Variants in ATR observed in about 807,000 individuals in gnomAD.
ATR encodes ATR checkpoint kinase, also known as serine/threonine-protein kinase ATR.
Under a neutral mutation model 305.3 loss-of-function variants are expected in ATR, and 142 were observed. The ratio of observed to expected loss-of-function variants is 0.47; its 90% CI spans 0.41 to 0.53. The LOEUF (loss-of-function observed/expected upper bound fraction) is 0.53, where lower values mean the gene tolerates loss of function less well. ATR is among the 20% of genes least tolerant of loss of function. The pLI is 0.00. For synonymous variants in ATR, 1,050 were observed against 1,068.1 expected (o/e 0.98, Z 0.33); for missense variants, 2,135 against 3,133.1 (o/e 0.68, Z 7.60).
At chr3:142,535,052 C>T (rs751754881) in intron 21 of ATR, 28 bp downstream of exon 21, 9 of 1,587,928 alleles carry the variant, frequency 5.7e-6, no homozygotes, top group African/African-American at 1.3e-5. Context: ...CTTTGTTATA[C>T]ATTTTTAATT....
intron 23 of ATR, among the ~76,000 whole-genome samples, chr3:142,522,444 G>A (rs1333055321): frequency 6.6e-6 from 1 of 152,014 alleles, no homozygotes; most frequent in East Asian, 1.9e-4. Context: ...ACATCCTTAG[G>A]ACATTTATTT....
intron 46 of ATR, chr3:142,451,014 C>G (rs2070776695): frequency 8.0e-7 from 1 of 1,250,140 alleles, no homozygotes; most frequent in African/African-American, 1.6e-5. Context: ...ACCATCAATT[C>G]CGTCTTAAGA....
chr3:142,480,032 A>T (rs2030304134), intron 36 of ATR, among the ~76,000 whole-genome samples: 1 of 152,164 alleles, frequency 6.6e-6, no homozygotes, highest in Non-Finnish European at 1.5e-5. Context: ...ATGGGTTCCA[A>T]CTTCCTCCTT....
rs184685900 is a variant in ATR at position 142,531,114 on chromosome 3, G to A, written c.3945+3966C>T. Among the ~76,000 whole-genome samples the A allele has an allele frequency of 1.2e-3, 181 of 152,248 alleles. 1 individual carries two copies. Among genetic ancestry groups the A allele is most frequent in the African/African-American group, 4.3e-3 (177 of 41,556 alleles). On this transcript the variant is annotated intron_variant, in intron 21 of 46. Transcript: ENST00000350721. ...TCTGTCTCAAAGTTCTGTTGAAGGT[G>A]TAAATTATGTGTGGTTTCAATTGCT...
intron 8 of ATR, 88 bp from the exon 9 acceptor site, chr3:142,556,663 T>G: frequency 1.7e-6 from 2 of 1,202,294 alleles, no homozygotes; most frequent in Non-Finnish European, 2.4e-6. Context: ...AAGTAACATT[T>G]GTGTATACAT....
Position 142,498,777 on chromosome 3 carries a change from G to C in ATR, c.5381-3C>G, listed in dbSNP as rs1438581703. On this transcript the variant is annotated splice_polypyrimidine_tract_variant and splice_region_variant and intron_variant, in intron 31 of 46. Coordinates refer to ENST00000350721, the MANE Select transcript of ATR (RefSeq NM_001184.4). ...ACTCCATGTTGTAGATTTTCCATCT[G>C]AAAAACAAATGAAGAGTCAAGAAAT... 6.2e-7 allele frequency: 1 copy of C among 1,613,744 alleles called. No homozygotes were observed. The highest frequency in any genetic ancestry group is 8.5e-7 in the Non-Finnish European group (1 of 1,179,830).
rs376600971 is a variant in ATR, at chr3:142,535,257, C to T, written c.3820-52G>A. ...ACTTATTAATCAACTATTTTAACAA[C>T]CATTTCCAAAGGCCTGAATTCTCTA... is the stretch of plus-strand genomic sequence containing the variant. On this transcript the variant is annotated intron_variant, in intron 20 of 46. Coordinates refer to ENST00000350721, the MANE Select transcript of ATR (RefSeq NM_001184.4). 2.9e-5 allele frequency: 46 copies of T among 1,605,912 alleles called. No homozygotes were observed. In the Admixed American group the frequency reaches 7.7e-4, roughly 27 times the overall value.
Position 142,469,698 on chromosome 3 carries a change from G to T in ATR, c.6320-129C>A, listed in dbSNP as rs2071214962. 1.1e-5 allele frequency: 8 copies of T among 751,768 alleles called. No individual in the cohort carries two copies. In the East Asian group the frequency reaches 2.1e-4, roughly 20 times the overall value. The allele number at this position is 751,768 out of a possible 1,614,324, so 46.6% of individuals were successfully genotyped here. On this transcript the variant is annotated intron_variant, in intron 37 of 46. Coordinates refer to ENST00000350721, the MANE Select transcript of ATR (RefSeq NM_001184.4). Reference sequence around the variant, plus strand: ...TATGTTATTCCCATGCCCAAGGTTAGGTCACTTGCCAATTTGTGAAAAGAT... The same window carrying T: ...TATGTTATTCCCATGCCCAAGGTTATGTCACTTGCCAATTTGTGAAAAGAT...
chr3:142,562,477 C>T lies in ATR; in HGVS notation c.925G>A (p.Ala309Thr), dbSNP rs1301199562. 6.2e-7 allele frequency: 1 copy of T among 1,614,118 alleles called. No homozygotes were observed. Among genetic ancestry groups the T allele is most frequent in the Admixed American group, 1.7e-5 (1 of 60,024 alleles). Residue 309 changes from alanine to threonine, a missense_variant, in exon 4 of 47, where the codon GCT (alanine) becomes ACT (threonine). Physicochemically the swap from Ala to Thr is moderately conservative, Grantham distance 58 (BLOSUM62 0). Coordinates refer to ENST00000350721, the MANE Select transcript of ATR (RefSeq NM_001184.4). ...IKTLFPFEAE[A>T]YRNIEPVYLN... is the part of the protein sequence containing the mutation. ...TAGACAGGTTCAATATTTCTATAAG[C>T]TTCTGCTTCAAAGGGAAATAGTGTC...
At chr3:142,463,016 C>T (rs1296091188) in intron 41 of ATR, among the ~76,000 whole-genome samples, 1 of 152,122 alleles carries the variant, frequency 6.6e-6, no homozygotes, top group Non-Finnish European at 1.5e-5. Context: ...TTCAAAAGCA[C>T]AATCACTGAT....
intron 18 of ATR, among the ~76,000 whole-genome samples, chr3:142,540,624 G>A (rs923661823): frequency 6.6e-6 from 1 of 152,050 alleles, no homozygotes; most frequent in Admixed American, 6.6e-5. Flanking sequence ...CAAAAAGGTA[G>A]AAGTGGATTA....
At chr3:142,507,433 A>G (rs1346535079) in intron 28 of ATR, among the ~76,000 whole-genome samples, 1 of 152,204 alleles carries the variant, frequency 6.6e-6, no homozygotes, top group East Asian at 1.9e-4. Flanking sequence ...CCTCCTCCAC[A>G]ACTGCCACAG....
At position 142,553,683 on chromosome 3, in the gene ATR, C is replaced by T; in HGVS notation, c.2590G>A (p.Glu864Lys). The T allele has an allele frequency of 6.2e-7, 1 of 1,612,378 alleles. No homozygotes were observed. Among genetic ancestry groups the T allele is most frequent in the Non-Finnish European group, 8.5e-7 (1 of 1,178,636 alleles). ...GTAAGAATCAAGGTATCCTTCAGCTCATTATTTCTTGATATTTGGGCATGT... is the reference window on the plus strand; with the variant it reads ...GTAAGAATCAAGGTATCCTTCAGCTTATTATTTCTTGATATTTGGGCATGT... Reference protein sequence around the residue: ...YTHAQISRNNELKDTLILTTG... With the variant: ...YTHAQISRNNKLKDTLILTTG... Residue 864 changes from glutamate (E) to lysine (K), a missense_variant, in exon 12 of 47, where the codon GAG (glutamate) becomes AAG (lysine). By Grantham distance (56) the Glu-to-Lys change is moderately conservative (BLOSUM62 1). Coordinates refer to ENST00000350721, the MANE Select transcript of ATR (RefSeq NM_001184.4).
At chr3:142,545,584 T>C (rs953463506) in intron 16 of ATR, among the ~76,000 whole-genome samples, 2 of 152,120 alleles carry the variant, frequency 1.3e-5, no homozygotes, top group Non-Finnish European at 2.9e-5. Context: ...AGGGGAACGA[T>C]ATGAGTTTGT....
intron 27 of ATR, among the ~76,000 whole-genome samples, chr3:142,511,530 C>T (rs1238681107): frequency 1.3e-5 from 2 of 152,110 alleles, no homozygotes; most frequent in Non-Finnish European, 1.5e-5. Context: ...GTGGCACACA[C>T]CTGTAATCCC....
intron 28 of ATR, among the ~76,000 whole-genome samples, chr3:142,505,792 C>T (rs1650940926): frequency 6.6e-6 from 1 of 152,016 alleles, no homozygotes; most frequent in Non-Finnish European, 1.5e-5. Flanking sequence ...TCTCTCACAA[C>T]ATGAGAAAGA....
chr3:142,498,358 G>C (rs1034225304), intron 32 of ATR, among the ~76,000 whole-genome samples: 15 of 152,116 alleles, frequency 9.9e-5, no homozygotes, highest in Admixed American at 2.6e-4. Context: ...ATTACAAGAG[G>C]ACAAACATAA....
rs578179144 is a variant in ATR at position 142,545,012 on chromosome 3, A to G, written c.3358-2255T>C. Among the ~76,000 whole-genome samples, 8 of 152,328 alleles carry G rather than the reference A, an allele frequency of 5.3e-5. No homozygotes were observed. In the South Asian group the frequency reaches 1.7e-3, roughly 32 times the overall value. ...ATAAAAAGCAGATAAGGATCACACAATCTCTGTCAACATTCCAATATTAAA... is the reference window on the plus strand; with the variant it reads ...ATAAAAAGCAGATAAGGATCACACAGTCTCTGTCAACATTCCAATATTAAA... On this transcript the variant is annotated intron_variant, in intron 16 of 46. Transcript: ENST00000350721.
chr3:142,512,089 G>C (rs2032602168), intron 27 of ATR, among the ~76,000 whole-genome samples, 171 bp downstream of exon 27: 1 of 152,092 alleles, frequency 6.6e-6, no homozygotes, highest in African/African-American at 2.4e-5. Flanking sequence ...CTGCACTCCA[G>C]CCTGGGCAAC....
Sources: gnomAD v4.1 joint callset for allele counts (sites outside exome capture counted in the v4.1 genomes callset) on GRCh38, gnomAD v4.1.1 for gene constraint, MANE v1.5 for transcripts, NCBI Gene and HGNC (gene_info 2026-07-23, HGNC 2026-07-21) for gene names.